The following CELF2 variants were observed in gnomAD, a reference collection of about 807,000 sequenced individuals.
The protein encoded by CELF2 is CUGBP Elav-like family member 2.
In CELF2, 8 loss-of-function variants were observed where a neutral mutation model predicts 62.6. The ratio of observed to expected loss-of-function variants is 0.13; its 90% CI spans 0.07 to 0.23. CELF2 has a LOEUF of 0.23. Ranked by LOEUF, CELF2 falls within the 10% of genes least tolerant of loss-of-function variation. CELF2 has a pLI of 1.00. For synonymous variants in CELF2, 258 were observed against 250.0 expected, an observed-to-expected ratio of 1.03 and a Z score of -0.30; for missense variants, 333 against 671.0, an observed-to-expected ratio of 0.50 and a Z score of 5.56.
At chr10:11,049,838 GGGA>G (rs1392541933) in intron 1 of CELF2, among the ~76,000 whole-genome samples, 2 of 152,166 alleles carry the variant, frequency 1.3e-5, no homozygotes, top group African/African-American at 4.8e-5. Flanking sequence ...CTTCACAGCT[GGGA>G]GGAGGAGAAC....
chr10:10,899,530 AATTGTCT>A (rs2062788420), intron 1 of CELF2, among the ~76,000 whole-genome samples: 1 of 152,212 alleles, frequency 6.6e-6, no homozygotes, highest in Non-Finnish European at 1.5e-5. Flanking sequence ...GAGGGCCACA[AATTGTCT>A]ATGTCATGGT....
the CELF2 span, among the ~76,000 whole-genome samples, chr10:10,535,536 G>A: frequency 2.0e-5 from 3 of 152,076 alleles, no homozygotes; most frequent in African/African-American, 4.8e-5. Context: ...TGGCCAAGAT[G>A]GTGAAACCCC....
intron 2 of CELF2, among the ~76,000 whole-genome samples, chr10:11,190,386 C>T (rs980928893): frequency 2.0e-5 from 3 of 152,074 alleles, no homozygotes; most frequent in Non-Finnish European, 2.9e-5. Context: ...CAGGATGTTT[C>T]AGCACTACTC....
At chr10:11,044,727 TATA>T (rs149561988) in intron 1 of CELF2, among the ~76,000 whole-genome samples, 1 of 152,336 alleles carries the variant, frequency 6.6e-6, no homozygotes, top group East Asian at 1.9e-4. Flanking sequence ...ATTGTAATAT[TATA>T]ATATCTTATT....
At chr10:10,987,255 CTT>C (rs61536690) in intron 2 of CELF2, among the ~76,000 whole-genome samples, 18 of 145,800 alleles carry the variant, frequency 1.2e-4, no homozygotes, top group African/African-American at 3.0e-4. Flanking sequence ...CTCTAGAGAT[CTT>C]TTTTTTTTTT....
chr10:11,260,776 G>A lies in CELF2; in HGVS notation c.538+2904G>A, dbSNP rs2138040604. Among the ~76,000 whole-genome samples, 1 of 152,206 alleles carries A rather than the reference G, an allele frequency of 6.6e-6. No individual in the cohort carries two copies. Among genetic ancestry groups the A allele is most frequent in the African/African-American group, 2.4e-5 (1 of 41,524 alleles). On this transcript the variant is annotated intron_variant, in intron 5 of 12. Transcript: ENST00000633077. This position sits in a 1 kb window ranked among gnomAD's most constrained non-coding sequence, Gnocchi z 4.2. ...ATAACCATTTATCCTGAGAACTGAA[G>A]ACAGACAGTGGTACTTTTTTCAATT...
chr10:11,172,804 G>A (rs963550405), intron 2 of CELF2, among the ~76,000 whole-genome samples: 1 of 152,152 alleles, frequency 6.6e-6, no homozygotes, highest in African/African-American at 2.4e-5. Context: ...TTCTGTCTGG[G>A]GCATTAAGAC....
chr10:10,566,395 C>G, the CELF2 span, among the ~76,000 whole-genome samples: 25 of 147,326 alleles, frequency 1.7e-4, no homozygotes, highest in African/African-American at 6.2e-4. Flanking sequence ...CAGAAAGGCA[C>G]TTAGGGATTT....
At chr10:10,848,780 T>A (rs2059177903) in intron 1 of CELF2, among the ~76,000 whole-genome samples, 1 of 151,034 alleles carries the variant, frequency 6.6e-6, no homozygotes, top group African/African-American at 2.4e-5. Context: ...TACGGTAGAG[T>A]TTCTTCAACC....
chr10:10,530,793 C>T, the CELF2 span, among the ~76,000 whole-genome samples: 1 of 152,208 alleles, frequency 6.6e-6, no homozygotes, highest in Non-Finnish European at 1.5e-5. Flanking sequence ...ATATGTCATG[C>T]TCTTCACTAA....
At chr10:10,924,724 C>CTTTTTTTT (rs745848953) in intron 2 of CELF2, among the ~76,000 whole-genome samples, 1,193 of 89,076 alleles carry the variant, frequency 0.013, 155 homozygotes, top group African/African-American at 0.025. Flanking sequence ...AACTTGATCG[C>CTTTTTTTT]TTTTTTTTTT....
chr10:10,535,427 A>G, the CELF2 span, among the ~76,000 whole-genome samples: 1 of 152,190 alleles, frequency 6.6e-6, no homozygotes, highest in Admixed American at 6.5e-5. Context: ...CCCTTCGATT[A>G]GGAAGGTTTG....
At chr10:10,500,539 C>T in the CELF2 span, among the ~76,000 whole-genome samples, 7 of 152,154 alleles carry the variant, frequency 4.6e-5, no homozygotes, top group South Asian at 2.1e-4. Flanking sequence ...TTGCCTGCCG[C>T]CATGTAAGAC....
the CELF2 span, among the ~76,000 whole-genome samples, chr10:10,682,341 A>G: frequency 1.3e-5 from 2 of 152,230 alleles, no homozygotes; most frequent in Non-Finnish European, 2.9e-5. Context: ...GTTGTTACCC[A>G]TTGCTTCACC....
chr10:10,594,121 G>A, the CELF2 span, among the ~76,000 whole-genome samples: 5,011 of 152,226 alleles, frequency 0.033, 192 homozygotes, highest in Admixed American at 0.083. Context: ...CCGTGGAGGC[G>A]GAGAAGAGGT....
At chr10:11,189,046 C>T (rs934769186) in intron 2 of CELF2, among the ~76,000 whole-genome samples, 1 of 152,014 alleles carries the variant, frequency 6.6e-6, no homozygotes, top group Admixed American at 6.5e-5. Flanking sequence ...TTTTTGAGTC[C>T]TTGTCTGCTA....
the CELF2 span, among the ~76,000 whole-genome samples, chr10:10,674,450 G>A: frequency 6.6e-6 from 1 of 152,136 alleles, no homozygotes; most frequent in East Asian, 1.9e-4. Flanking sequence ...ATGCAATTGA[G>A]TCTTGTTGTT....
chr10:11,000,371 C>A (rs946160233), upstream of CELF2, among the ~76,000 whole-genome samples: 1 of 152,036 alleles, frequency 6.6e-6, no homozygotes, highest in African/African-American at 2.4e-5. Context: ...TATCTAGTAC[C>A]TATTTTCAAG....
the CELF2 span, among the ~76,000 whole-genome samples, chr10:10,582,717 G>T: frequency 6.6e-6 from 1 of 152,030 alleles, no homozygotes; most frequent in East Asian, 1.9e-4. Flanking sequence ...TTTATTTCAT[G>T]GTGTTTTTCC....
Sources: allele counts gnomAD v4.1 joint callset (sites outside exome capture counted in the v4.1 genomes callset), GRCh38; gene constraint gnomAD v4.1.1; non-coding constraint Gnocchi (gnomAD v3.1); transcripts MANE v1.5; gene names NCBI Gene and HGNC (gene_info 2026-07-23, HGNC 2026-07-21).